The following TSHZ3 variants were observed in gnomAD, a reference collection of about 807,000 sequenced individuals.
TSHZ3 encodes the protein teashirt homolog 3.
A neutral mutation model predicts 64.5 loss-of-function variants in TSHZ3; 10 were observed. The observed-to-expected ratio is 0.16, with a 90% CI of 0.10 to 0.26. The LOEUF (loss-of-function observed/expected upper bound fraction) is 0.26, where lower values mean the gene tolerates loss of function less well. Among genes scored for constraint, TSHZ3 ranks in the 10% least tolerant of loss-of-function variants. The pLI is 1.00. For synonymous variants in TSHZ3, 608 were observed against 593.1 expected (o/e 1.03, Z -0.36); for missense variants, 1,242 against 1,421.7 (o/e 0.87, Z 2.03).
At chr19:31,174,431 C>T (rs772809473) in intron 5 of TSHZ3, among the ~76,000 whole-genome samples, 1 of 152,188 alleles carries the variant, frequency 6.6e-6, no homozygotes, top group African/African-American at 2.4e-5. Context: ...TGGAGGGCCA[C>T]CTGCTTTGCT....
At chr19:31,268,577 A>G (rs922526539) in intron 1 of TSHZ3, among the ~76,000 whole-genome samples, 32 of 152,078 alleles carry the variant, frequency 2.1e-4, no homozygotes, top group Admixed American at 7.2e-4. Context: ...TGATCCCCCA[A>G]TCCTCATCTA....
chr19:31,171,021 G>T (rs1337168609), intron 5 of TSHZ3, among the ~76,000 whole-genome samples: 2 of 152,144 alleles, frequency 1.3e-5, no homozygotes, highest in Non-Finnish European at 2.9e-5. Context: ...TCTTAGAGTA[G>T]AAATTCTTTA....
At chr19:31,258,662 C>T (rs957908901) in intron 1 of TSHZ3, among the ~76,000 whole-genome samples, 2 of 152,148 alleles carry the variant, frequency 1.3e-5, no homozygotes, top group Non-Finnish European at 2.9e-5. Context: ...GTGCCTTGTC[C>T]GTGAAAGATG....
intron 1 of TSHZ3, among the ~76,000 whole-genome samples, chr19:31,257,149 C>G (rs998613424): frequency 6.6e-6 from 1 of 152,116 alleles, no homozygotes; most frequent in African/African-American, 2.4e-5. Context: ...GCACAGAGGC[C>G]ATTAGAGAGA....
chr19:31,209,917 G>T (rs1426079348), intron 4 of TSHZ3, among the ~76,000 whole-genome samples: 1 of 152,086 alleles, frequency 6.6e-6, no homozygotes, highest in Non-Finnish European at 1.5e-5. Flanking sequence ...TGGGTGGGGG[G>T]TTCAAGTCTA....
chr19:31,276,227 TC>T lies in TSHZ3; in HGVS notation c.*319del, dbSNP rs1262336057. 4.7e-6 allele frequency: 1 copy of T among 212,064 alleles called. No homozygotes were observed. The highest frequency in any genetic ancestry group is 2.3e-5 in the African/African-American group (1 of 43,850). The allele number at this position is 212,064 out of a possible 1,614,324, so 13.1% of individuals were successfully genotyped here. ...GTCTCGTGGAAAAGGTGTGCCTGAT[TC>T]CGTTATAAATGCTTAATTAAACTGT... is the stretch of plus-strand genomic sequence containing the variant. On this transcript the variant is annotated 3_prime_UTR_variant, in exon 2 of 2. Coordinates refer to ENST00000240587, the MANE Select transcript of TSHZ3 (RefSeq NM_020856.4).
At chr19:31,269,312 C>T (rs1976100715) in intron 1 of TSHZ3, among the ~76,000 whole-genome samples, 1 of 152,180 alleles carries the variant, frequency 6.6e-6, no homozygotes, top group South Asian at 2.1e-4. Context: ...CCTGATGAGG[C>T]TTTCAGGAGC....
intron 6 of TSHZ3, among the ~76,000 whole-genome samples, chr19:31,153,785 G>T (rs956226641): frequency 6.6e-6 from 1 of 152,194 alleles, no homozygotes. Flanking sequence ...GTTGTTGACT[G>T]TTAGGTAATT....
intron 1 of TSHZ3, among the ~76,000 whole-genome samples, chr19:31,320,025 G>C (rs1916717409): frequency 6.6e-6 from 1 of 152,132 alleles, no homozygotes; most frequent in Non-Finnish European, 1.5e-5. Flanking sequence ...CCAGAGCTTA[G>C]AGCTGCAGAT....
intron 1 of TSHZ3, among the ~76,000 whole-genome samples, chr19:31,345,239 C>T (rs1917552745): frequency 6.6e-6 from 1 of 152,348 alleles, no homozygotes; most frequent in African/African-American, 2.4e-5. Context: ...GCTCTGCCAC[C>T]TTGCTACAGA....
At chr19:31,219,377 A>G (rs1364183564) in intron 4 of TSHZ3, among the ~76,000 whole-genome samples, 2 of 152,170 alleles carry the variant, frequency 1.3e-5, no homozygotes, top group Non-Finnish European at 2.9e-5. Flanking sequence ...CATTTTTCTT[A>G]TCAAGTCCAA....
At position 31,278,384 on chromosome 19, in the gene TSHZ3, A is replaced by T. The variant is rs1164343116; in HGVS notation, c.1409T>A (p.Val470Asp). ...ASISPKLNVE[V>D]KKEVDKEKAV... ...TTTCTCCTTGTCGACTTCCTTCTTG[A>T]CCTCCACATTCAGTTTTGGGGAGAT... Residue 470 changes from valine to aspartate, a missense_variant, in exon 2 of 2, where the codon GTC (valine) becomes GAC (aspartate). This residue lies in a region of TSHZ3 where 555 missense variants were observed against 704.0 expected (regional missense o/e 0.79). Transcript: ENST00000240587. This position sits in a 1 kb window ranked among gnomAD's most constrained non-coding sequence, Gnocchi z 4.7. The T allele has an allele frequency of 7.4e-6, 12 of 1,612,856 alleles. No homozygotes were observed. The highest frequency in any genetic ancestry group is 8.5e-6 in the Non-Finnish European group (10 of 1,179,862).
intron 1 of TSHZ3, among the ~76,000 whole-genome samples, chr19:31,324,313 C>G (rs1442700070): frequency 6.6e-6 from 1 of 152,346 alleles, no homozygotes; most frequent in East Asian, 1.9e-4. Context: ...AGAATGAAAT[C>G]TTAAGCAGCA....
At chr19:31,321,337 G>A (rs62102600) in intron 1 of TSHZ3, among the ~76,000 whole-genome samples, 7,724 of 152,298 alleles carry the variant, frequency 0.051, 306 homozygotes, top group Non-Finnish European at 0.08. Context: ...CCCGCCAATC[G>A]GAGCTCTACC....
At chr19:31,315,990 A>G (rs1916591340) in intron 1 of TSHZ3, among the ~76,000 whole-genome samples, 1 of 152,204 alleles carries the variant, frequency 6.6e-6, no homozygotes, top group South Asian at 2.1e-4. Context: ...TTCAGCACTA[A>G]TCAAGTAGCA....
chr19:31,166,247 G>T (rs1297871327), intron 5 of TSHZ3, among the ~76,000 whole-genome samples: 1 of 152,200 alleles, frequency 6.6e-6, no homozygotes. Context: ...TACAGAAAGT[G>T]AGTGTGATCA....
chr19:31,216,624 T>TTTTTGTTTTG (rs768656673), intron 4 of TSHZ3, among the ~76,000 whole-genome samples: 247 of 150,954 alleles, frequency 1.6e-3, no homozygotes, highest in African/African-American at 5.7e-3. Context: ...AATTTTTGTA[T>TTTTTGTTTTG]TTTTGTTTTG....
intron 5 of TSHZ3, chr19:31,195,831 A>C (rs1290155774): frequency 6.6e-6 from 1 of 152,052 alleles, no homozygotes; most frequent in Non-Finnish European, 1.5e-5. Flanking sequence ...ATGTGTATAC[A>C]GACACATATA....
intron 1 of TSHZ3, among the ~76,000 whole-genome samples, chr19:31,303,799 C>T (rs1332217712): frequency 1.3e-5 from 2 of 152,164 alleles, no homozygotes; most frequent in Admixed American, 6.5e-5. Context: ...AGCAGAAGCA[C>T]ATGGGTCTCA....
Sources: allele counts gnomAD v4.1 joint callset (sites outside exome capture counted in the v4.1 genomes callset), GRCh38; gene constraint gnomAD v4.1.1; regional missense constraint gnomAD v4.1.1; non-coding constraint Gnocchi (gnomAD v3.1); transcripts MANE v1.5; gene names NCBI Gene and HGNC (gene_info 2026-07-23, HGNC 2026-07-21).